Variants in KIF13B observed in about 807,000 individuals in gnomAD.
KIF13B encodes kinesin-like protein KIF13B.
Under a neutral mutation model 222.0 loss-of-function variants are expected in KIF13B, and 127 were observed. The ratio of observed to expected loss-of-function variants is 0.57; its 90% CI spans 0.50 to 0.66. The LOEUF is 0.66. KIF13B is among the 30% of genes least tolerant of loss of function. The pLI is 0.00. For synonymous variants in KIF13B, 976 were observed against 919.0 expected (o/e 1.06, Z -1.12); for missense variants, 2,173 against 2,379.0 (o/e 0.91, Z 1.80).
intron 14 of KIF13B, among the ~76,000 whole-genome samples, chr8:29,150,854 G>A (rs577870090): frequency 6.9e-4 from 105 of 152,032 alleles, no homozygotes; most frequent in African/African-American, 2.4e-3. Context: ...TTTATTCCCC[G>A]AGACACAACC....
intron 37 of KIF13B, among the ~76,000 whole-genome samples, chr8:29,076,603 C>T (rs963926788): frequency 2.6e-5 from 4 of 152,218 alleles, no homozygotes; most frequent in African/African-American, 7.2e-5. Flanking sequence ...GAAGCCAGCC[C>T]GCTCAGCAGG....
intron 14 of KIF13B, among the ~76,000 whole-genome samples, chr8:29,155,142 GC>G (rs1426279921): frequency 6.6e-6 from 1 of 152,058 alleles, no homozygotes; most frequent in African/African-American, 2.4e-5. Context: ...CATATTATGC[GC>G]CAGGAATGGA....
intron 35 of KIF13B, among the ~76,000 whole-genome samples, chr8:29,106,892 C>A (rs536748985): frequency 2.1e-4 from 32 of 152,310 alleles, no homozygotes; most frequent in African/African-American, 7.2e-4. Context: ...ACAGCCACTA[C>A]TGACCTCCTC....
chr8:29,110,123 ACGTACACGCGTG>A, intron 32 of KIF13B, 53 bp from the exon 33 acceptor site: 1 of 1,388,420 alleles, frequency 7.2e-7, no homozygotes, highest in Non-Finnish European at 1.0e-6. Context: ...ACACACACAC[ACGTACACGCGTG>A]CACACACAGA....
intron 2 of KIF13B, among the ~76,000 whole-genome samples, chr8:29,224,908 T>C (rs904322858): frequency 1.3e-5 from 2 of 152,222 alleles, no homozygotes; most frequent in Non-Finnish European, 1.5e-5. Flanking sequence ...TGAGGACTTA[T>C]GAGGAGTTCC....
intron 37 of KIF13B, among the ~76,000 whole-genome samples, chr8:29,078,312 AAGAG>A (rs1287008975): frequency 2.6e-5 from 4 of 151,384 alleles, no homozygotes; most frequent in Non-Finnish European, 5.9e-5. Flanking sequence ...AAAAAAAAAA[AAGAG>A]AGAGGATTCA....
At chr8:29,212,810 T>C (rs1323111222) in intron 2 of KIF13B, among the ~76,000 whole-genome samples, 2 of 149,232 alleles carry the variant, frequency 1.3e-5, no homozygotes, top group Non-Finnish European at 3.0e-5. Context: ...TTTTGGGAAA[T>C]TGTATTTGAT....
intron 37 of KIF13B, among the ~76,000 whole-genome samples, chr8:29,076,788 G>A (rs895036413): frequency 1.3e-5 from 2 of 152,214 alleles, no homozygotes; most frequent in African/African-American, 4.8e-5. Flanking sequence ...GGACTCGAGA[G>A]GAAACGCAGC....
At chr8:29,209,206 G>A (rs1424936236) in intron 2 of KIF13B, among the ~76,000 whole-genome samples, 1 of 152,188 alleles carries the variant, frequency 6.6e-6, no homozygotes, top group Non-Finnish European at 1.5e-5. Context: ...AACCAGATGA[G>A]AGGCACCACT....
At chr8:29,263,180 C>G (rs1191023384), upstream of KIF13B, 4 of 688,592 alleles carry the variant, frequency 5.8e-6, no homozygotes, top group East Asian at 6.6e-5. Flanking sequence ...TCCGGGCGCT[C>G]CCCGCTGTAT....
intron 35 of KIF13B, among the ~76,000 whole-genome samples, chr8:29,104,760 T>C (rs1360588371): frequency 3.3e-5 from 5 of 152,160 alleles, no homozygotes; most frequent in Admixed American, 3.3e-4. Flanking sequence ...TTTTTATTTT[T>C]TTTGAGACAG....
At chr8:29,172,571 T>C (rs1812293637) in intron 10 of KIF13B, among the ~76,000 whole-genome samples, 1 of 152,222 alleles carries the variant, frequency 6.6e-6, no homozygotes, top group Non-Finnish European at 1.5e-5. Flanking sequence ...TTATTTTCTA[T>C]CAAGGACTGG....
chr8:29,168,999 C>T (rs1279113622), intron 10 of KIF13B, among the ~76,000 whole-genome samples: 1 of 152,172 alleles, frequency 6.6e-6, no homozygotes, highest in Admixed American at 6.5e-5. Context: ...CACTGAATGA[C>T]AGACTCTCAA....
intron 35 of KIF13B, among the ~76,000 whole-genome samples, chr8:29,106,549 T>C (rs1373664985): frequency 6.8e-6 from 1 of 146,492 alleles, no homozygotes; most frequent in Non-Finnish European, 1.5e-5. Context: ...GGAGAATCAC[T>C]TGAACCTGGG....
intron 19 of KIF13B, among the ~76,000 whole-genome samples, chr8:29,141,622 C>T (rs1810821616): frequency 6.6e-6 from 1 of 152,206 alleles, no homozygotes; most frequent in African/African-American, 2.4e-5. Flanking sequence ...CGTATGAGTA[C>T]ATGGCTGATC....
At chr8:29,254,984 C>A (rs912161330) in intron 1 of KIF13B, among the ~76,000 whole-genome samples, 3 of 152,116 alleles carry the variant, frequency 2.0e-5, no homozygotes, top group African/African-American at 7.2e-5. Context: ...TGATTCATGA[C>A]AAAACATGGA....
intron 1 of KIF13B, among the ~76,000 whole-genome samples, chr8:29,252,820 C>T (rs1816333958): frequency 6.6e-6 from 1 of 151,988 alleles, no homozygotes. Context: ...TTACTTGGGA[C>T]CCCCTTTTTT....
intron 37 of KIF13B, among the ~76,000 whole-genome samples, chr8:29,078,407 A>G (rs1336171078): frequency 6.6e-6 from 1 of 152,154 alleles, no homozygotes; most frequent in African/African-American, 2.4e-5. Context: ...GTATGAGTTC[A>G]GCAACCTTTT....
At chr8:29,173,920 G>A (rs967337743) in intron 10 of KIF13B, among the ~76,000 whole-genome samples, 4 of 143,376 alleles carry the variant, frequency 2.8e-5, no homozygotes, top group Non-Finnish European at 6.0e-5. Flanking sequence ...TCCAGCCTGG[G>A]CAACAGAGCG....
Sources: gnomAD v4.1 joint callset for allele counts (sites outside exome capture counted in the v4.1 genomes callset) on GRCh38, gnomAD v4.1.1 for gene constraint, MANE v1.5 for transcripts, NCBI Gene and HGNC (gene_info 2026-07-23, HGNC 2026-07-21) for gene names.